SETBP1: variants seen among roughly 807,000 people sequenced by gnomAD.
SETBP1 encodes SET binding protein 1.
In SETBP1, 9 loss-of-function variants were observed where a neutral mutation model predicts 101.0. That is an observed-to-expected ratio of 0.09 (90% CI 0.05 to 0.16). The LOEUF is 0.16. Among genes scored for constraint, SETBP1 ranks in the 10% least tolerant of loss-of-function variants. The pLI is 1.00. For missense variants in SETBP1, 1,858 were observed against 2,033.8 expected (o/e 0.91, Z 1.66); for synonymous variants, 818 against 788.5 (o/e 1.04, Z -0.63).
At chr18:44,736,165 G>T (rs1041104039) in intron 2 of SETBP1, among the ~76,000 whole-genome samples, 1 of 152,118 alleles carries the variant, frequency 6.6e-6, no homozygotes, top group Non-Finnish European at 1.5e-5. Context: ...CAGGAGAATC[G>T]CTTGAACCCA....
Position 45,065,360 on chromosome 18 carries a change from GAGAGAGAGAA to G in SETBP1, c.*1663_*1672del, listed in dbSNP as rs1223931390. The G allele has an allele frequency of 6.6e-6, 1 of 152,164 alleles. No individual in the cohort carries two copies. The highest frequency in any genetic ancestry group is 2.4e-5 in the African/African-American group (1 of 41,444). The allele number at this position is 152,164 out of a possible 1,614,324, so 9.4% of individuals were successfully genotyped here. ...ATGGTAGATTATAGAAAGAGACACT[GAGAGAGAGAA>G]TTAAATTTTCTAATGGGAATTAGAA... is the stretch of plus-strand genomic sequence containing the variant. On this transcript the variant is annotated 3_prime_UTR_variant, in exon 6 of 6. Transcript: ENST00000649279.
chr18:44,931,159 A>G (rs956710603), intron 3 of SETBP1, among the ~76,000 whole-genome samples: 6 of 152,228 alleles, frequency 3.9e-5, no homozygotes, highest in African/African-American at 1.2e-4. Context: ...CATTGGTTTC[A>G]AAGAACATCT....
intron 3 of SETBP1, among the ~76,000 whole-genome samples, chr18:44,874,940 G>A (rs2069362305): frequency 6.6e-6 from 1 of 152,312 alleles, no homozygotes; most frequent in East Asian, 1.9e-4. Flanking sequence ...TCTCCCAACA[G>A]AAAAGGAAGG....
At chr18:44,778,878 A>C (rs1274284637) in intron 2 of SETBP1, among the ~76,000 whole-genome samples, 1 of 152,228 alleles carries the variant, frequency 6.6e-6, no homozygotes, top group East Asian at 1.9e-4. Context: ...ACTCAGCCCC[A>C]GAGCATTTAA....
At chr18:45,034,893 G>A (rs16978251) in intron 4 of SETBP1, among the ~76,000 whole-genome samples, 5,985 of 152,162 alleles carry the variant, frequency 0.039, 423 homozygotes, top group African/African-American at 0.14. Flanking sequence ...GGTCCAGTCC[G>A]TACAAGGTTA....
chr18:44,680,213 C>T (rs2068735995), upstream of SETBP1: 2 of 145,304 alleles, frequency 1.4e-5, no homozygotes, highest in Non-Finnish European at 3.1e-5. Flanking sequence ...TCGCCGCCGC[C>T]TCCGCGCGCC....
chr18:45,015,771 G>T (rs564330701), intron 4 of SETBP1, among the ~76,000 whole-genome samples: 21 of 152,256 alleles, frequency 1.4e-4, no homozygotes, highest in African/African-American at 4.8e-4. Context: ...AACTATCTTG[G>T]GGTGAACAGA....
intron 3 of SETBP1, among the ~76,000 whole-genome samples, chr18:44,918,344 C>G (rs989169853): frequency 2.0e-5 from 3 of 152,176 alleles, no homozygotes; most frequent in African/African-American, 7.2e-5. Context: ...GCTGGAGTGA[C>G]CTGGAGCGTA....
chr18:44,952,933 C>G lies in SETBP1; in HGVS notation c.3593C>G (p.Pro1198Arg). 1 of 1,614,116 alleles carries G rather than the reference C, an allele frequency of 6.2e-7. No homozygotes were observed. Among genetic ancestry groups the G allele is most frequent in the Non-Finnish European group, 8.5e-7 (1 of 1,180,028 alleles). Reference sequence around the variant, plus strand: ...CTGAGTAGCGCAGACAAAGAGCTCCCGCTGGTGAGTGAGAAGAACAAGCAT... The same window carrying G: ...CTGAGTAGCGCAGACAAAGAGCTCCGGCTGGTGAGTGAGAAGAACAAGCAT... ...ERLSSADKEL[P>R]LVSEKNKHKE... is the part of the protein sequence containing the mutation. The change falls in exon 4 of 6, where the codon CCG becomes CGG. Residue 1198 changes from proline (P) to arginine (R), a missense_variant. Physicochemically the swap from Pro to Arg is moderately radical, Grantham distance 103. Coordinates refer to ENST00000649279, the MANE Select transcript of SETBP1 (RefSeq NM_015559.3).
intron 4 of SETBP1, among the ~76,000 whole-genome samples, chr18:44,995,044 G>A (rs1248709800): frequency 6.6e-6 from 1 of 151,338 alleles, no homozygotes; most frequent in Admixed American, 6.6e-5. Context: ...CCTCTTGCAT[G>A]TTGGGAGTAA....
intron 2 of SETBP1, among the ~76,000 whole-genome samples, chr18:44,804,412 T>A (rs1302902046): frequency 1.3e-5 from 2 of 152,072 alleles, no homozygotes; most frequent in Non-Finnish European, 2.9e-5. Context: ...AGATATGAAT[T>A]TTTGTAAACT....
chr18:44,977,233 C>G (rs1341851200), intron 4 of SETBP1, among the ~76,000 whole-genome samples: 1 of 152,130 alleles, frequency 6.6e-6, no homozygotes, highest in Non-Finnish European at 1.5e-5. Flanking sequence ...ATGCTGTGGT[C>G]TACTCTGGAT....
intron 3 of SETBP1, among the ~76,000 whole-genome samples, chr18:44,909,987 G>T (rs543294854): frequency 1.3e-5 from 2 of 152,162 alleles, no homozygotes; most frequent in Non-Finnish European, 2.9e-5. Flanking sequence ...CCAAGATTCC[G>T]TAGATTACAC....
chr18:44,943,996 A>G (rs1285417562), intron 3 of SETBP1, among the ~76,000 whole-genome samples: 1 of 151,734 alleles, frequency 6.6e-6, no homozygotes, highest in Non-Finnish European at 1.5e-5. Flanking sequence ...CATGATACCC[A>G]TCTAATTTTT....
At chr18:44,693,313 T>C (rs1409628119) in intron 1 of SETBP1, among the ~76,000 whole-genome samples, 1 of 152,132 alleles carries the variant, frequency 6.6e-6, no homozygotes, top group African/African-American at 2.4e-5. Flanking sequence ...GTGAGCCAAA[T>C]AGGCACAGGT....
intron 4 of SETBP1, chr18:44,986,462 C>A (rs1218464187): frequency 6.6e-6 from 1 of 152,064 alleles, no homozygotes; most frequent in Admixed American, 6.5e-5. Flanking sequence ...TTTCTTTCTT[C>A]ATTAATAAAT....
chr18:44,724,354 C>T (rs1323251138), intron 2 of SETBP1, among the ~76,000 whole-genome samples: 5 of 152,056 alleles, frequency 3.3e-5, no homozygotes, highest in Admixed American at 3.3e-4. Context: ...CATCTTACAG[C>T]CAACCCCTGA....
intron 2 of SETBP1, among the ~76,000 whole-genome samples, chr18:44,717,931 T>TGTGC (rs3085796): frequency 1.3e-5 from 2 of 152,154 alleles, no homozygotes; most frequent in Non-Finnish European, 2.9e-5. Flanking sequence ...TGTGTGTGTG[T>TGTGC]GCTTGTGTGT....
intron 3 of SETBP1, among the ~76,000 whole-genome samples, chr18:44,929,904 C>T (rs192452696): frequency 1.2e-3 from 184 of 152,292 alleles, no homozygotes; most frequent in African/African-American, 4.3e-3. Flanking sequence ...GACTTTCTCT[C>T]TTCCTAATCA....
Sources: allele counts gnomAD v4.1 joint callset (sites outside exome capture counted in the v4.1 genomes callset), GRCh38; gene constraint gnomAD v4.1.1; transcripts MANE v1.5; gene names NCBI Gene and HGNC (gene_info 2026-07-23, HGNC 2026-07-21).